The following EZH2 variants were observed in gnomAD, a reference collection of about 807,000 sequenced individuals.
EZH2 encodes enhancer of zeste 2 polycomb repressive complex 2 subunit.
In EZH2, 18 loss-of-function variants were observed where a neutral mutation model predicts 98.4. The ratio of observed to expected loss-of-function variants is 0.18; its 90% CI spans 0.13 to 0.27. The LOEUF is 0.27. Among genes scored for constraint, EZH2 ranks in the 10% least tolerant of loss-of-function variants. The pLI is 1.00. For missense variants in EZH2, 470 were observed against 935.1 expected, an observed-to-expected ratio of 0.50 and a Z score of 6.49; for synonymous variants, 338 against 312.3, an observed-to-expected ratio of 1.08 and a Z score of -0.87.
At chr7:148,881,614 A>G (rs1820967019) in intron 1 of EZH2, among the ~76,000 whole-genome samples, 1 of 152,210 alleles carries the variant, frequency 6.6e-6, no homozygotes, top group South Asian at 2.1e-4. Flanking sequence ...ATTATCAAAT[A>G]CAGAGAACAC....
At chr7:148,813,639 A>G (rs1389565625) in intron 15 of EZH2, among the ~76,000 whole-genome samples, 1 of 151,794 alleles carries the variant, frequency 6.6e-6, no homozygotes, top group Non-Finnish European at 1.5e-5. Context: ...TAGATAAACT[A>G]TTAACTAAAA....
At chr7:148,869,481 G>C (rs1438950525) in intron 1 of EZH2, among the ~76,000 whole-genome samples, 3 of 151,826 alleles carry the variant, frequency 2.0e-5, no homozygotes, top group Non-Finnish European at 4.4e-5. Context: ...ATGCAGCTGG[G>C]ACTACAGGCA....
chr7:148,808,996 A>G, intron 19 of EZH2, 75 bp downstream of exon 19: 3 of 1,217,594 alleles, frequency 2.5e-6, no homozygotes, highest in East Asian at 4.7e-5. Context: ...AGAACTAAAA[A>G]CCCTCCTTTG....
In EZH2 at chr7:148,807,604, T is replaced by TA. The variant is rs1801803041; in HGVS notation, c.*41dup. ...CCACAGTACTCGAGGTTCCTGAAGCTAAGGCAGCTGTTTCAGAGGAGGGGG... is the reference window on the plus strand; with the variant it reads ...CCACAGTACTCGAGGTTCCTGAAGCTAAAGGCAGCTGTTTCAGAGGAGGGGG... On this transcript the variant is annotated 3_prime_UTR_variant, in exon 20 of 20. Coordinates refer to ENST00000320356, the MANE Select transcript of EZH2 (RefSeq NM_004456.5). 1 of 1,501,596 alleles carries TA rather than the reference T, an allele frequency of 6.7e-7. No individual in the cohort carries two copies. The highest frequency in any genetic ancestry group is 2.0e-5 in the Admixed American group (1 of 50,116). The allele number at this position is 1,501,596 out of a possible 1,614,324, so 93.0% of individuals were successfully genotyped here.
At chr7:148,815,279 C>T (rs1252619340) in intron 13 of EZH2, among the ~76,000 whole-genome samples, 2 of 152,184 alleles carry the variant, frequency 1.3e-5, no homozygotes, top group Admixed American at 6.5e-5. Flanking sequence ...TCCCAAAGCA[C>T]TTCTCCTTCA....
chr7:148,861,524 C>T (rs1041956166), intron 1 of EZH2, among the ~76,000 whole-genome samples: 2 of 151,970 alleles, frequency 1.3e-5, no homozygotes, highest in African/African-American at 4.8e-5. Context: ...ACAGCGCCCG[C>T]CCTGTTCTAT....
Position 148,826,614 on chromosome 7 carries a change from T to A in EZH2, c.747A>T (p.Glu249Asp). 6.5e-7 allele frequency: 1 copy of A among 1,538,000 alleles called. No individual in the cohort carries two copies. The highest frequency in any genetic ancestry group is 1.3e-5 in the South Asian group (1 of 76,462). Residue 249 changes from glutamate (E) to aspartate (D), a missense_variant, in exon 8 of 20, where the codon GAA (glutamate) becomes GAT (aspartate). By Grantham distance (45) the Glu-to-Asp change is conservative. Transcript: ENST00000320356. ...GAGGAAGTGCGCCTGGGAGCTGCTG[T>A]TCGGTGAGTTCTTTATATCTGACAT... Reference protein sequence around the residue: ...ELKEKYKELTEQQLPGALPPE... With the variant: ...ELKEKYKELTDQQLPGALPPE...
At chr7:148,810,764 C>T (rs187169804) in intron 16 of EZH2, among the ~76,000 whole-genome samples, 2 of 152,152 alleles carry the variant, frequency 1.3e-5, no homozygotes, top group South Asian at 2.1e-4. Flanking sequence ...GGCGCGGTGG[C>T]GCATGCCTGT....
Position 148,817,933 on chromosome 7 carries a change from C to T in EZH2, c.1184G>A (p.Gly395Glu). The change falls in exon 10 of 20, where the codon GGA becomes GAA. Residue 395 changes from glycine to glutamate, a missense_variant. By Grantham distance (98) the Gly-to-Glu change is moderately conservative. This residue lies in a region of EZH2 where 192 missense variants were observed against 306.8 expected (regional missense o/e 0.63). Coordinates refer to ENST00000320356, the MANE Select transcript of EZH2 (RefSeq NM_004456.5). ...TTCTTCTTCTTTATCATTGTTCTCT[C>T]CCCCCGTTTCAGTCCCTGCTTCCCT... ...SDREAGTETG[G>E]ENNDKEEEEK... 2 of 1,614,116 alleles carry T rather than the reference C, an allele frequency of 1.2e-6. No homozygotes were observed. The highest frequency in any genetic ancestry group is 2.2e-5 in the East Asian group (1 of 44,884).
intron 3 of EZH2, among the ~76,000 whole-genome samples, chr7:148,840,043 T>C (rs1204140060): frequency 3.3e-5 from 5 of 152,214 alleles, no homozygotes; most frequent in East Asian, 1.9e-4. Context: ...AAGATTAAGA[T>C]TGATAATATT....
At position 148,843,583 on chromosome 7, in the gene EZH2, GTTTTTTTTTTTTT is replaced by G. The variant is rs1157236882; in HGVS notation, c.246+2874_246+2886del. ...TCTACAACTACAAATGGGAGTATAA[GTTTTTTTTTTTTT>G]TTTTTTTTTTTTTTTTTGAGACAGC... On this transcript the variant is annotated intron_variant, in intron 3 of 19. Transcript: ENST00000320356. Among the ~76,000 whole-genome samples, 28 of 64,312 alleles carry G rather than the reference GTTTTTTTTTTTTT, an allele frequency of 4.4e-4. 1 individual carries two copies. In the Admixed American group the frequency reaches 5.2e-3, roughly 12 times the overall value. The allele number at this position is 64,312 out of a possible 152,430, so 42.2% of individuals were successfully genotyped here. A position where few individuals can be genotyped will look rare whatever the true frequency, so the allele number is the denominator to read the frequency against.
At chr7:148,866,097 G>A (rs1015213890) in intron 1 of EZH2, among the ~76,000 whole-genome samples, 19 of 152,054 alleles carry the variant, frequency 1.2e-4, no homozygotes, top group Non-Finnish European at 2.5e-4. Flanking sequence ...AACGAGGTAC[G>A]GCAGTTATGA....
At chr7:148,825,913 C>T (rs1429356989) in intron 8 of EZH2, among the ~76,000 whole-genome samples, 1 of 151,930 alleles carries the variant, frequency 6.6e-6, no homozygotes, top group Non-Finnish European at 1.5e-5. Flanking sequence ...CCTAGAAATG[C>T]CAGAGGAAAA....
chr7:148,855,897 C>CAAAAAAAAAAAAA, intron 1 of EZH2, among the ~76,000 whole-genome samples: 1 of 41,016 alleles, frequency 2.4e-5, no homozygotes. Context: ...GACTCCATCT[C>CAAAAAAAAAAAAA]AAAAAAAAAA....
chr7:148,882,540 T>C (rs1396640812), intron 1 of EZH2, among the ~76,000 whole-genome samples: 2 of 152,270 alleles, frequency 1.3e-5, no homozygotes, highest in African/African-American at 4.8e-5. Context: ...TTCCTGCAAA[T>C]AAAATTACAA....
chr7:148,845,347 C>T (rs1011649833), intron 3 of EZH2, among the ~76,000 whole-genome samples: 2 of 152,148 alleles, frequency 1.3e-5, no homozygotes, highest in Non-Finnish European at 2.9e-5. Flanking sequence ...AACATCTAGG[C>T]TCTGGCCTGT....
chr7:148,867,232 A>T (rs1003397040), intron 1 of EZH2, among the ~76,000 whole-genome samples: 1 of 151,992 alleles, frequency 6.6e-6, no homozygotes, highest in Admixed American at 6.6e-5. Flanking sequence ...AGGCTGAGGC[A>T]GGAGAATCAC....
chr7:148,828,810 G>A lies in EZH2; in HGVS notation c.555C>T (p.Asp185=), dbSNP rs555589547. Reference sequence around the variant, plus strand: ...CAGGATCGTCTCCATCATCATCATCGTCATCATCATTATATTGACCAAGGG... The same window carrying A: ...CAGGATCGTCTCCATCATCATCATCATCATCATCATTATATTGACCAAGGG... ...VNALGQYNDD[D]DDDDGDDPEE... The change falls in exon 6 of 20, where the codon GAC becomes GAT. Residue 185 remains aspartate, a synonymous_variant. Transcript: ENST00000320356. The A allele has an allele frequency of 3.1e-5, 50 of 1,612,874 alleles. No individual in the cohort carries two copies. The East Asian group carries it at 1.0e-3, about 32-fold the overall frequency.
intron 1 of EZH2, among the ~76,000 whole-genome samples, chr7:148,881,474 A>G (rs922629540): frequency 6.6e-6 from 1 of 152,208 alleles, no homozygotes; most frequent in Non-Finnish European, 1.5e-5. Flanking sequence ...AGTGTGTTTT[A>G]AGTCACTGCT....
Sources: allele counts gnomAD v4.1 joint callset (sites outside exome capture counted in the v4.1 genomes callset), GRCh38; gene constraint gnomAD v4.1.1; regional missense constraint gnomAD v4.1.1; transcripts MANE v1.5; gene names NCBI Gene and HGNC (gene_info 2026-07-23, HGNC 2026-07-21).